FAM184A: variants seen among roughly 807,000 people sequenced by gnomAD.
The protein encoded by FAM184A is family with sequence similarity 184 member A.
A neutral mutation model predicts 143.8 loss-of-function variants in FAM184A; 99 were observed. That is an observed-to-expected ratio of 0.69 (90% CI 0.58 to 0.81). The LOEUF (loss-of-function observed/expected upper bound fraction) is 0.81. Ranked by LOEUF, FAM184A falls within the 40% of genes least tolerant of loss-of-function variation. The probability of loss-of-function intolerance (pLI) is 0.00; values close to 1 mark genes in which losing one functional copy is unlikely to be tolerated. For synonymous variants in FAM184A, 427 were observed against 446.4 expected (o/e 0.96, Z 0.55); for missense variants, 1,217 against 1,310.5 (o/e 0.93, Z 1.10).
chr6:119,085,230 T>C (rs1369138693), intron 1 of FAM184A, among the ~76,000 whole-genome samples: 2 of 152,098 alleles, frequency 1.3e-5, no homozygotes, highest in East Asian at 3.8e-4. Flanking sequence ...TTTCAGATAA[T>C]TTTTTTTCTC....
At chr6:118,990,632 G>A (rs1027933571) in intron 9 of FAM184A, among the ~76,000 whole-genome samples, 2 of 151,892 alleles carry the variant, frequency 1.3e-5, no homozygotes, top group South Asian at 2.1e-4. Context: ...CTGGGAGGCC[G>A]AAGCAGGTGG....
intron 9 of FAM184A, among the ~76,000 whole-genome samples, chr6:118,987,532 TAAGTA>T (rs1400627019): frequency 6.6e-6 from 1 of 152,218 alleles, no homozygotes; most frequent in Non-Finnish European, 1.5e-5. Context: ...TGAGTGTACA[TAAGTA>T]AAGAGTGATC....
chr6:119,034,041 T>TAG (rs57162948), intron 1 of FAM184A, among the ~76,000 whole-genome samples: 463 of 41,980 alleles, frequency 0.011, 8 homozygotes, highest in African/African-American at 0.021. Context: ...TATATATATA[T>TAG]AGAGAGAGAG....
intron 16 of FAM184A, 165 bp from the exon 17 acceptor site, chr6:118,962,128 G>T: frequency 1.6e-6 from 1 of 637,970 alleles, no homozygotes; most frequent in Non-Finnish European, 2.7e-6. Context: ...GGGAATCCTT[G>T]GAGGTATTTT....
At chr6:119,077,040 T>C (rs1295949093) in intron 1 of FAM184A, among the ~76,000 whole-genome samples, 7 of 152,234 alleles carry the variant, frequency 4.6e-5, no homozygotes, top group Non-Finnish European at 1.0e-4. Flanking sequence ...TTTTATGTTA[T>C]CTTTTCTATC....
intron 1 of FAM184A, among the ~76,000 whole-genome samples, chr6:119,124,892 A>C (rs1219177141): frequency 6.6e-6 from 1 of 152,180 alleles, no homozygotes; most frequent in South Asian, 2.1e-4. Context: ...GATGAGAGAG[A>C]TAAACATTTT....
intron 1 of FAM184A, among the ~76,000 whole-genome samples, chr6:119,085,518 C>CAGTTTCT (rs1788196623): frequency 6.6e-6 from 1 of 152,146 alleles, no homozygotes; most frequent in Non-Finnish European, 1.5e-5. Flanking sequence ...AAAATTTAAC[C>CAGTTTCT]AGTTTCTAGG....
chr6:119,042,470 C>CCT (rs1554271010), intron 1 of FAM184A, among the ~76,000 whole-genome samples: 71 of 151,692 alleles, frequency 4.7e-4, no homozygotes, highest in Non-Finnish European at 1.9e-4. Flanking sequence ...GCCTGGGTCT[C>CCT]TTTTTTTTGC....
chr6:118,986,877 G>T (rs2114599937), intron 9 of FAM184A, among the ~76,000 whole-genome samples: 1 of 152,216 alleles, frequency 6.6e-6, no homozygotes, highest in Admixed American at 6.5e-5. Context: ...CTATGTCACT[G>T]CTAAAAAGAA....
rs777619793 is a variant in FAM184A at position 118,960,059 on chromosome 6, G to A, written c.*44C>T. On this transcript the variant is annotated 3_prime_UTR_variant, in exon 18 of 18. Coordinates refer to ENST00000338891, the MANE Select transcript of FAM184A (RefSeq NM_024581.6). ...TACATAACAATCTGTATAAAGTCAT[G>A]CTCTTAGTAACAGTCTATACAGAGC... The A allele has an allele frequency of 2.0e-5, 29 of 1,464,382 alleles. No homozygotes were observed. The East Asian group carries it at 6.3e-4, about 32-fold the overall frequency. 90.7% of individuals were successfully genotyped at this position (1,464,382 alleles called of 1,614,324 possible). A position where few individuals can be genotyped will look rare whatever the true frequency, so the allele number is the denominator to read the frequency against.
intron 1 of FAM184A, among the ~76,000 whole-genome samples, chr6:119,065,030 A>G (rs1787392363): frequency 6.6e-6 from 1 of 152,060 alleles, no homozygotes; most frequent in Non-Finnish European, 1.5e-5. Context: ...TCTCCCATCA[A>G]TTTTGCTTCT....
intron 5 of FAM184A, 146 bp downstream of exon 5, chr6:119,016,601 G>A (rs1191252708): frequency 1.8e-5 from 12 of 655,268 alleles, no homozygotes; most frequent in East Asian, 5.6e-5. Context: ...CTCCAGACGC[G>A]CCACCTTAAG....
chr6:119,108,226 G>A (rs983045570), intron 1 of FAM184A, among the ~76,000 whole-genome samples: 2 of 151,580 alleles, frequency 1.3e-5, no homozygotes, highest in Non-Finnish European at 1.5e-5. Flanking sequence ...GTCACTCATC[G>A]AGACCTTTTG....
intron 1 of FAM184A, among the ~76,000 whole-genome samples, chr6:119,118,871 C>T (rs1161513935): frequency 6.6e-6 from 1 of 151,990 alleles, no homozygotes; most frequent in Non-Finnish European, 1.5e-5. Flanking sequence ...TTAAACTGAC[C>T]GCCAGTGAGC....
intron 3 of FAM184A, among the ~76,000 whole-genome samples, chr6:119,021,903 G>A (rs565298293): frequency 6.6e-6 from 1 of 152,144 alleles, no homozygotes; most frequent in Non-Finnish European, 1.5e-5. Flanking sequence ...TTGAGCCCAG[G>A]AAGTCCAGGC....
chr6:119,078,084 G>C lies in FAM184A; in HGVS notation c.159+57C>G. 6.5e-7 allele frequency: 1 copy of C among 1,531,582 alleles called. No homozygotes were observed. The highest frequency in any genetic ancestry group is 8.7e-7 in the Non-Finnish European group (1 of 1,142,898). 94.9% of individuals were successfully genotyped at this position (1,531,582 alleles called of 1,614,324 possible). On this transcript the variant is annotated intron_variant, in intron 1 of 17. Transcript: ENST00000338891. This position sits in a 1 kb window ranked among gnomAD's most constrained non-coding sequence, Gnocchi z 5.5. ...GGCGCACTGCCTCCCGGGGAGACAG[G>C]TGAGTCCGGCGCGGCCCGCACGGGG...
At chr6:119,020,226 T>C in intron 3 of FAM184A, 67 bp from the exon 4 acceptor site, 1 of 1,262,064 alleles carries the variant, frequency 7.9e-7, no homozygotes, top group Non-Finnish European at 1.1e-6. Flanking sequence ...ACAGTTTACA[T>C]TTAATAACAC....
chr6:119,064,624 T>C (rs1787376621), intron 1 of FAM184A, among the ~76,000 whole-genome samples: 1 of 152,174 alleles, frequency 6.6e-6, no homozygotes, highest in Non-Finnish European at 1.5e-5. Context: ...GAAGATCCCT[T>C]GAGTCCAGGA....
chr6:119,057,225 G>T (rs1787013804), intron 1 of FAM184A, among the ~76,000 whole-genome samples: 1 of 152,118 alleles, frequency 6.6e-6, no homozygotes, highest in Admixed American at 6.6e-5. Context: ...TGAAATTATG[G>T]TCCTCTTTCT....
Sources: gnomAD v4.1 joint callset for allele counts (sites outside exome capture counted in the v4.1 genomes callset) on GRCh38, gnomAD v4.1.1 for gene constraint, Gnocchi (gnomAD v3.1) non-coding constraint, MANE v1.5 for transcripts, NCBI Gene and HGNC (gene_info 2026-07-23, HGNC 2026-07-21) for gene names.